Variants in ZMIZ1 observed in about 807,000 individuals in gnomAD.
ZMIZ1 encodes the protein zinc finger MIZ domain-containing protein 1.
Under a neutral mutation model 113.9 loss-of-function variants are expected in ZMIZ1, and 17 were observed. The ratio of observed to expected loss-of-function variants is 0.15; its 90% CI spans 0.10 to 0.22. The LOEUF (loss-of-function observed/expected upper bound fraction) is 0.22. Among genes scored for constraint, ZMIZ1 ranks in the 10% least tolerant of loss-of-function variants. ZMIZ1 has a pLI of 1.00. For missense variants in ZMIZ1, 1,059 were observed against 1,477.8 expected (o/e 0.72, Z 4.65); for synonymous variants, 607 against 603.1 (o/e 1.01, Z -0.09).
At chr10:79,072,964 A>G (rs1320254036) in intron 1 of ZMIZ1, among the ~76,000 whole-genome samples, 1 of 152,170 alleles carries the variant, frequency 6.6e-6, no homozygotes, top group Non-Finnish European at 1.5e-5. Context: ...ACCTGGCTGT[A>G]AGCTCCGGGG....
intron 8 of ZMIZ1, among the ~76,000 whole-genome samples, chr10:79,278,432 C>CT (rs969215232): frequency 1.2e-4 from 18 of 150,122 alleles, no homozygotes; most frequent in Admixed American, 2.7e-4. Context: ...TATTTTAATT[C>CT]TTTTTTTTAA....
intron 4 of ZMIZ1, among the ~76,000 whole-genome samples, chr10:79,165,800 C>T (rs1395718024): frequency 6.6e-6 from 1 of 152,176 alleles, no homozygotes; most frequent in Non-Finnish European, 1.5e-5. Context: ...CACCCTGAGC[C>T]TCTGGCCTGA....
intron 8 of ZMIZ1, among the ~76,000 whole-genome samples, chr10:79,287,195 T>C (rs181695545): frequency 6.6e-6 from 1 of 152,202 alleles, no homozygotes; most frequent in Non-Finnish European, 1.5e-5. Context: ...GTGACCTCCC[T>C]GGGAGACAGA....
intron 2 of ZMIZ1, among the ~76,000 whole-genome samples, chr10:79,137,831 G>T (rs115355949): frequency 6.6e-6 from 1 of 152,034 alleles, no homozygotes; most frequent in Non-Finnish European, 1.5e-5. Context: ...TCGGCTGGGG[G>T]GGGGGTGCTC....
chr10:79,144,855 G>A (rs1257972475), intron 3 of ZMIZ1, among the ~76,000 whole-genome samples: 2 of 151,738 alleles, frequency 1.3e-5, no homozygotes, highest in Admixed American at 6.6e-5. Flanking sequence ...CGGTGGGCGG[G>A]CTTGCTTTCC....
chr10:79,174,598 A>G (rs910864873), intron 4 of ZMIZ1, among the ~76,000 whole-genome samples: 2 of 152,206 alleles, frequency 1.3e-5, no homozygotes, highest in African/African-American at 4.8e-5. Context: ...CAGGGAAGGG[A>G]TGCTCATGTT....
chr10:79,163,998 C>T (rs569790240), intron 4 of ZMIZ1, among the ~76,000 whole-genome samples: 2 of 152,064 alleles, frequency 1.3e-5, no homozygotes, highest in East Asian at 3.9e-4. Flanking sequence ...GGTAATTAAT[C>T]ATAGGAGCAG....
intron 6 of ZMIZ1, among the ~76,000 whole-genome samples, chr10:79,212,508 G>T (rs535019703): frequency 6.6e-6 from 1 of 152,182 alleles, no homozygotes; most frequent in Non-Finnish European, 1.5e-5. Flanking sequence ...GGGCATGGTG[G>T]CTCATGCCTA....
chr10:79,138,203 G>C (rs1173173333), intron 2 of ZMIZ1, among the ~76,000 whole-genome samples: 1 of 152,244 alleles, frequency 6.6e-6, no homozygotes, highest in Non-Finnish European at 1.5e-5. Context: ...AGCACACACA[G>C]GGAGGCAGAG....
intron 3 of ZMIZ1, among the ~76,000 whole-genome samples, chr10:79,152,267 G>C (rs796876696): frequency 4.5e-4 from 69 of 152,332 alleles, no homozygotes; most frequent in African/African-American, 1.6e-3. Context: ...GGGAGGCTGA[G>C]GCAAGAGGAG....
chr10:79,264,092 G>A (rs1851435320), intron 7 of ZMIZ1, among the ~76,000 whole-genome samples: 1 of 152,240 alleles, frequency 6.6e-6, no homozygotes, highest in South Asian at 2.1e-4. Flanking sequence ...GCTCAGGGTG[G>A]CTCCTGCTGG....
intron 6 of ZMIZ1, 69 bp downstream of exon 6, chr10:79,208,518 A>G: frequency 4.5e-6 from 6 of 1,339,296 alleles, no homozygotes; most frequent in South Asian, 1.3e-5. Context: ...GTGCCTGTCC[A>G]GGTTTCAGAG....
intron 7 of ZMIZ1, among the ~76,000 whole-genome samples, chr10:79,227,351 AG>A (rs1405726439): frequency 9.9e-5 from 15 of 152,222 alleles, no homozygotes; most frequent in Non-Finnish European, 2.9e-5. Flanking sequence ...AGCCTGGGTC[AG>A]CCCCAATTTC....
At chr10:79,276,830 T>C (rs1175240201) in intron 7 of ZMIZ1, among the ~76,000 whole-genome samples, 1 of 152,060 alleles carries the variant, frequency 6.6e-6, no homozygotes, top group Non-Finnish European at 1.5e-5. Context: ...AAGGTCTGTG[T>C]CAGGCCCCCT....
chr10:79,203,216 G>T (rs1240809729), intron 5 of ZMIZ1, among the ~76,000 whole-genome samples: 1 of 152,182 alleles, frequency 6.6e-6, no homozygotes, highest in Non-Finnish European at 1.5e-5. Context: ...CAAGGTGCCT[G>T]CCCAGTGGAA....
At chr10:79,233,537 C>T (rs1010186164) in intron 7 of ZMIZ1, among the ~76,000 whole-genome samples, 4 of 152,204 alleles carry the variant, frequency 2.6e-5, no homozygotes, top group Admixed American at 2.0e-4. Context: ...TCCCAAAGGC[C>T]CCAGCTCTTC....
chr10:79,253,282 T>C (rs1174627575), intron 7 of ZMIZ1, among the ~76,000 whole-genome samples: 2 of 152,132 alleles, frequency 1.3e-5, no homozygotes, highest in Non-Finnish European at 2.9e-5. Flanking sequence ...TGGGGGTCGT[T>C]TGCAAGTTGA....
chr10:79,218,981 A>G (rs1035941695), intron 7 of ZMIZ1, among the ~76,000 whole-genome samples: 1 of 151,558 alleles, frequency 6.6e-6, no homozygotes, highest in Admixed American at 6.6e-5. Flanking sequence ...TAATGGGAAC[A>G]TGGCTAAATG....
intron 7 of ZMIZ1, among the ~76,000 whole-genome samples, chr10:79,253,445 G>A (rs760605947): frequency 6.2e-4 from 94 of 152,288 alleles, no homozygotes; most frequent in Admixed American, 9.8e-4. Flanking sequence ...GGGCTTACGG[G>A]TACCTGCACT....
Sources: gnomAD v4.1 joint callset for allele counts (sites outside exome capture counted in the v4.1 genomes callset) on GRCh38, gnomAD v4.1.1 for gene constraint, MANE v1.5 for transcripts, NCBI Gene and HGNC (gene_info 2026-07-23, HGNC 2026-07-21) for gene names.